CADM1: variants seen among roughly 807,000 people sequenced by gnomAD.
CADM1 encodes cell adhesion molecule 1.
A neutral mutation model predicts 53.1 loss-of-function variants in CADM1; 15 were observed. The observed-to-expected ratio is 0.28, with a 90% CI of 0.19 to 0.44. CADM1 has a LOEUF of 0.44. CADM1 is among the 20% of genes least tolerant of loss of function. The pLI is 1.00. For synonymous variants in CADM1, 281 were observed against 243.0 expected (o/e 1.16, Z -1.45); for missense variants, 434 against 611.3 (o/e 0.71, Z 3.06).
At chr11:115,312,318 C>G (rs138964015) in intron 1 of CADM1, among the ~76,000 whole-genome samples, 5 of 152,110 alleles carry the variant, frequency 3.3e-5, no homozygotes, top group African/African-American at 1.2e-4. Context: ...ACAGTTAAAA[C>G]AGACTAATAT....
At chr11:115,186,601 A>G (rs1278284419) in intron 10 of CADM1, among the ~76,000 whole-genome samples, 1 of 152,118 alleles carries the variant, frequency 6.6e-6, no homozygotes, top group African/African-American at 2.4e-5. Context: ...TCCTAAGCAA[A>G]CCGTTTAGCC....
chr11:115,232,723 A>T (rs1591628565), intron 3 of CADM1, among the ~76,000 whole-genome samples: 1 of 152,224 alleles, frequency 6.6e-6, no homozygotes, highest in Non-Finnish European at 1.5e-5. Flanking sequence ...GTAAAATTTC[A>T]TATGCAACCT....
intron 1 of CADM1, 148 bp from the exon 2 acceptor site, chr11:115,240,568 T>C: frequency 2.4e-6 from 2 of 817,488 alleles, no homozygotes; most frequent in Non-Finnish European, 2.0e-6. Context: ...CTTTGTAGTC[T>C]ACAAAACGAG....
chr11:115,430,899 A>G (rs2135295158), intron 1 of CADM1, among the ~76,000 whole-genome samples: 1 of 152,326 alleles, frequency 6.6e-6, no homozygotes, highest in South Asian at 2.1e-4. Flanking sequence ...AAATTTTCTG[A>G]ATTAAAATCG....
chr11:115,253,735 G>A (rs1297528875), intron 1 of CADM1, among the ~76,000 whole-genome samples: 3 of 152,174 alleles, frequency 2.0e-5, no homozygotes, highest in Non-Finnish European at 4.4e-5. Flanking sequence ...TACTTGTCCT[G>A]TAGGATTGAG....
At chr11:115,402,337 A>G (rs1401118327) in intron 1 of CADM1, among the ~76,000 whole-genome samples, 1 of 152,186 alleles carries the variant, frequency 6.6e-6, no homozygotes, top group Non-Finnish European at 1.5e-5. Flanking sequence ...AGCCTAGCCA[A>G]TATGGTGAAA....
chr11:115,183,558 G>A (rs918569751), intron 10 of CADM1, among the ~76,000 whole-genome samples: 7 of 152,084 alleles, frequency 4.6e-5, no homozygotes, highest in East Asian at 1.9e-4. Context: ...TGAAGCCCTC[G>A]GCTACACAGA....
Position 115,174,783 on chromosome 11 carries a change from T to C in CADM1, c.*1691A>G. On this transcript the variant is annotated 3_prime_UTR_variant, in exon 12 of 12. Coordinates refer to ENST00000331581, the MANE Select transcript of CADM1 (RefSeq NM_001301043.2). ...TATAGATCTATCTTTTTTGATGCCATCTTTCCATAGGGACTGTTAGCTGGA... is the reference window on the plus strand; with the variant it reads ...TATAGATCTATCTTTTTTGATGCCACCTTTCCATAGGGACTGTTAGCTGGA... 1 of 929,820 alleles carries C rather than the reference T, an allele frequency of 1.1e-6. No individual in the cohort carries two copies. The highest frequency in any genetic ancestry group is 1.3e-6 in the Non-Finnish European group (1 of 779,286). The allele number at this position is 929,820 out of a possible 1,614,324, so 57.6% of individuals were successfully genotyped here.
chr11:115,294,722 C>T (rs1944001377), intron 1 of CADM1, among the ~76,000 whole-genome samples: 1 of 151,936 alleles, frequency 6.6e-6, no homozygotes, highest in African/African-American at 2.4e-5. Flanking sequence ...TGTGATAAGC[C>T]TCCTCACTCA....
chr11:115,362,821 C>T (rs1591747941), intron 1 of CADM1, among the ~76,000 whole-genome samples: 1 of 152,140 alleles, frequency 6.6e-6, no homozygotes, highest in Non-Finnish European at 1.5e-5. Context: ...AAGTACTCCT[C>T]ACTAATTAAA....
chr11:115,263,537 C>A lies in CADM1; in HGVS notation c.125-23117G>T, dbSNP rs548713521. 2.0e-5 allele frequency among the ~76,000 whole-genome samples: 3 copies of A among 152,238 alleles called. No homozygotes were observed. In the South Asian group the frequency reaches 6.2e-4, roughly 32 times the overall value. ...TTCTTTCACTCCTTAAATTGAAATT[C>A]TTCTGTAAGGAAGACATTTGTCTTT... On this transcript the variant is annotated intron_variant, in intron 1 of 11. Transcript: ENST00000331581.
intron 1 of CADM1, among the ~76,000 whole-genome samples, chr11:115,379,391 G>C (rs1482042166): frequency 2.0e-5 from 3 of 152,204 alleles, no homozygotes; most frequent in Non-Finnish European, 4.4e-5. Flanking sequence ...GTTGGGTTGA[G>C]GAAAACAGCA....
chr11:115,242,187 T>C (rs1942259006), intron 1 of CADM1, among the ~76,000 whole-genome samples: 1 of 152,006 alleles, frequency 6.6e-6, no homozygotes. Flanking sequence ...AACCTCGAGC[T>C]CTAGGATCCA....
At chr11:115,470,790 A>C (rs1270187744) in intron 1 of CADM1, among the ~76,000 whole-genome samples, 1 of 152,228 alleles carries the variant, frequency 6.6e-6, no homozygotes, top group Non-Finnish European at 1.5e-5. Flanking sequence ...CAAGGACATT[A>C]CCTACCAAAT....
intron 1 of CADM1, among the ~76,000 whole-genome samples, chr11:115,368,544 T>C (rs950979488): frequency 2.0e-5 from 3 of 152,186 alleles, no homozygotes; most frequent in Non-Finnish European, 4.4e-5. Context: ...AACCTGAATA[T>C]ATGTAATGAC....
At chr11:115,317,310 C>T (rs762867291) in intron 1 of CADM1, among the ~76,000 whole-genome samples, 8 of 152,042 alleles carry the variant, frequency 5.3e-5, no homozygotes, top group Admixed American at 3.9e-4. Flanking sequence ...GAGATGAACA[C>T]GAAAAATTTA....
intron 9 of CADM1, among the ~76,000 whole-genome samples, chr11:115,195,528 T>C (rs1940104055): frequency 6.6e-6 from 1 of 152,254 alleles, no homozygotes; most frequent in South Asian, 2.1e-4. Flanking sequence ...TCATTTAAGT[T>C]GCTAAGTTAT....
chr11:115,485,449 T>G (rs930121416), intron 1 of CADM1, among the ~76,000 whole-genome samples: 10 of 152,240 alleles, frequency 6.6e-5, no homozygotes, highest in Non-Finnish European at 1.5e-4. Flanking sequence ...ATGGTTTGGC[T>G]GTGTCCCCAC....
chr11:115,422,715 CATAAGAGAAAAACT>C (rs1947789287), intron 1 of CADM1, among the ~76,000 whole-genome samples: 1 of 152,118 alleles, frequency 6.6e-6, no homozygotes, highest in South Asian at 2.1e-4. Context: ...CCTTTGAAAA[CATAAGAGAAAAACT>C]ATAAGCTGAT....
Sources: allele counts gnomAD v4.1 joint callset (sites outside exome capture counted in the v4.1 genomes callset), GRCh38; gene constraint gnomAD v4.1.1; transcripts MANE v1.5; gene names NCBI Gene and HGNC (gene_info 2026-07-23, HGNC 2026-07-21).